Variants in LMAN2L observed in about 807,000 individuals in gnomAD.
The protein encoded by LMAN2L is VIP36-like protein.
Under a neutral mutation model 44.3 loss-of-function variants are expected in LMAN2L, and 30 were observed. That is an observed-to-expected ratio of 0.68 (90% confidence interval 0.51 to 0.92). LMAN2L has a LOEUF of 0.92. Among genes scored for constraint, LMAN2L ranks in the 40% least tolerant of loss-of-function variants. The probability of loss-of-function intolerance (pLI) is 0.00; values close to 1 mark genes in which losing one functional copy is unlikely to be tolerated. For missense variants in LMAN2L, 429 were observed against 446.1 expected, an observed-to-expected ratio of 0.96 and a Z score of 0.35; for synonymous variants, 183 against 171.1, an observed-to-expected ratio of 1.07 and a Z score of -0.54.
chr2:96,710,381 T>A (rs1455916938), intron 6 of LMAN2L, among the ~76,000 whole-genome samples: 1 of 152,180 alleles, frequency 6.6e-6, no homozygotes, highest in Non-Finnish European at 1.5e-5. Flanking sequence ...AAAATCCAGA[T>A]TATCCAGGCT....
intron 4 of LMAN2L, among the ~76,000 whole-genome samples, chr2:96,727,115 GAC>G (rs2078288265): frequency 6.6e-6 from 1 of 151,690 alleles, no homozygotes; most frequent in African/African-American, 2.4e-5. Context: ...ATGTGTGTGT[GAC>G]ACACACACAA....
intron 4 of LMAN2L, among the ~76,000 whole-genome samples, chr2:96,729,399 T>C (rs2078344988): frequency 6.6e-6 from 1 of 151,960 alleles, no homozygotes; most frequent in Non-Finnish European, 1.5e-5. Flanking sequence ...ACTGGTAAAA[T>C]GGGAAAAATA....
At chr2:96,725,442 TTC>T (rs1490301335) in intron 4 of LMAN2L, among the ~76,000 whole-genome samples, 2 of 151,504 alleles carry the variant, frequency 1.3e-5, no homozygotes, top group Non-Finnish European at 2.9e-5. Flanking sequence ...CTATTAAATT[TTC>T]TTTTTTTTTT....
chr2:96,738,620 A>G (rs1173139315), intron 1 of LMAN2L, among the ~76,000 whole-genome samples: 2 of 152,158 alleles, frequency 1.3e-5, no homozygotes, highest in Admixed American at 6.6e-5. Flanking sequence ...AAACTGCATG[A>G]GCCATGATTG....
intron 3 of LMAN2L, among the ~76,000 whole-genome samples, chr2:96,734,012 C>A (rs939623568): frequency 3.9e-5 from 6 of 152,216 alleles, no homozygotes; most frequent in African/African-American, 1.4e-4. Context: ...CTGCCATCTA[C>A]ATGGAGCAAT....
At chr2:96,712,994 C>T in intron 4 of LMAN2L, 1 of 852,326 alleles carries the variant, frequency 1.2e-6, no homozygotes, top group Non-Finnish European at 1.9e-6. Flanking sequence ...GAGATGCAGT[C>T]GAGACCAGAG....
intron 4 of LMAN2L, among the ~76,000 whole-genome samples, chr2:96,717,588 C>T (rs2153324636): frequency 6.6e-6 from 1 of 151,634 alleles, no homozygotes; most frequent in East Asian, 1.9e-4. Flanking sequence ...ACCTGTAACC[C>T]CAGCACTTTG....
rs56984105 is a variant in LMAN2L at position 96,740,061 on chromosome 2, C to T, written c.-21G>A. 6,416 of 1,588,714 alleles carry T rather than the reference C, an allele frequency of 4.0e-3. 187 individuals carry two copies. The African/African-American group carries it at 0.068, about 17-fold the overall frequency. Reference sequence around the variant, plus strand: ...GCCATCTTTCCCACCAACGACCCTTCATCAAAAGCCCGCCCCGTCGCCCAA... The same window carrying T: ...GCCATCTTTCCCACCAACGACCCTTTATCAAAAGCCCGCCCCGTCGCCCAA... On this transcript the variant is annotated 5_prime_UTR_variant, in exon 1 of 8. The change abolishes an upstream ATG in the 5' untranslated region. Transcript: ENST00000264963.
chr2:96,739,920 G>C lies in LMAN2L; in HGVS notation c.121C>G (p.Gln41Glu). ...LLLGSGQGPQ[Q>E]VGAGQTFEYL... ...TCGAACGTTTGACCCGCCCCGACTTGCTGTGGCCCCTGCCCAGACCCCAAC... is the reference window on the plus strand; with the variant it reads ...TCGAACGTTTGACCCGCCCCGACTTCCTGTGGCCCCTGCCCAGACCCCAAC... Residue 41 changes from glutamine (Q) to glutamate (E), a missense_variant, in exon 1 of 8, where the codon CAA becomes GAA. Gln to Glu is a conservative substitution (Grantham distance 29). Coordinates refer to ENST00000264963, the MANE Select transcript of LMAN2L (RefSeq NM_030805.4). 6.2e-7 allele frequency: 1 copy of C among 1,614,114 alleles called. No homozygotes were observed. The highest frequency in any genetic ancestry group is 8.5e-7 in the Non-Finnish European group (1 of 1,180,030).
At chr2:96,712,602 C>T (rs892989807) in intron 4 of LMAN2L, among the ~76,000 whole-genome samples, 3 of 152,162 alleles carry the variant, frequency 2.0e-5, no homozygotes, top group South Asian at 2.1e-4. Context: ...GAACTCAGAA[C>T]ATGGAACGGG....
intron 4 of LMAN2L, among the ~76,000 whole-genome samples, chr2:96,715,281 C>A (rs1189962930): frequency 6.6e-6 from 1 of 152,210 alleles, no homozygotes; most frequent in Non-Finnish European, 1.5e-5. Flanking sequence ...CTGTGATGTG[C>A]AGCCAAATTG....
intron 3 of LMAN2L, among the ~76,000 whole-genome samples, chr2:96,734,175 C>A (rs1028882198): frequency 1.3e-5 from 2 of 152,184 alleles, no homozygotes; most frequent in Admixed American, 6.5e-5. Flanking sequence ...CAGGTAGTTT[C>A]ACAAGGAAAC....
intron 4 of LMAN2L, among the ~76,000 whole-genome samples, chr2:96,719,584 C>CAA (rs758726961): frequency 1.4e-5 from 2 of 141,486 alleles, no homozygotes; most frequent in Non-Finnish European, 3.1e-5. Flanking sequence ...CGTATCTCTA[C>CAA]AAAAAAAAAA....
chr2:96,738,179 A>C, intron 1 of LMAN2L, 112 bp from the exon 2 acceptor site: 1 of 681,216 alleles, frequency 1.5e-6, no homozygotes, highest in South Asian at 1.8e-5. Context: ...CTTTAATGTC[A>C]CTCAATCTCC....
At chr2:96,739,451 C>T (rs1021754129) in intron 1 of LMAN2L, among the ~76,000 whole-genome samples, 1 of 152,178 alleles carries the variant, frequency 6.6e-6, no homozygotes, top group African/African-American at 2.4e-5. Context: ...TTATCATCTT[C>T]TCATTTCGTT....
intron 6 of LMAN2L, among the ~76,000 whole-genome samples, chr2:96,710,658 A>G (rs559493762): frequency 7.3e-6 from 1 of 137,470 alleles, no homozygotes; most frequent in Non-Finnish European, 1.7e-5. Flanking sequence ...GCGAGACTCC[A>G]TATATATATA....
Position 96,707,306 on chromosome 2 carries a change from T to G in LMAN2L, c.997A>C (p.Ile333Leu), listed in dbSNP as rs2077804658. 1 of 1,614,046 alleles carries G rather than the reference T, an allele frequency of 6.2e-7. No homozygotes were observed. Among genetic ancestry groups the G allele is most frequent in the Non-Finnish European group, 8.5e-7 (1 of 1,179,988 alleles). ...VFSVFAIVIG[I>L]ILYNKWQEQS... ...TCCTGCCATTTGTTGTAGAGTATGA[T>G]ACCAATGACTATGGCAAATACAGAA... is the stretch of plus-strand genomic sequence containing the variant. Residue 333 changes from isoleucine to leucine, a missense_variant, in exon 8 of 8, where the codon ATC becomes CTC. By Grantham distance (5) the Ile-to-Leu change is conservative. Transcript: ENST00000264963.
chr2:96,738,580 T>C (rs1020286418), intron 1 of LMAN2L, among the ~76,000 whole-genome samples: 20 of 152,120 alleles, frequency 1.3e-4, no homozygotes, highest in African/African-American at 4.3e-4. Flanking sequence ...GGAGGCTGAG[T>C]TGGGAGCATC....
intron 4 of LMAN2L, among the ~76,000 whole-genome samples, chr2:96,714,083 C>G (rs2077984894): frequency 6.6e-6 from 1 of 152,112 alleles, no homozygotes; most frequent in Non-Finnish European, 1.5e-5. Flanking sequence ...GTGGAAGAAA[C>G]AAACAACAAA....
Sources: allele counts gnomAD v4.1 joint callset (sites outside exome capture counted in the v4.1 genomes callset), GRCh38; gene constraint gnomAD v4.1.1; transcripts MANE v1.5; gene names NCBI Gene and HGNC (gene_info 2026-07-23, HGNC 2026-07-21).